The following CSMD1 variants were observed in gnomAD, a reference collection of about 807,000 sequenced individuals.
CSMD1 encodes the protein CUB and sushi domain-containing protein 1.
A neutral mutation model predicts 417.5 loss-of-function variants in CSMD1; 213 were observed. The observed-to-expected ratio is 0.51, with a 90% CI of 0.46 to 0.57. The LOEUF (loss-of-function observed/expected upper bound fraction) is 0.57. CSMD1 is among the 20% of genes least tolerant of loss of function. CSMD1 has a pLI of 0.00. For synonymous variants in CSMD1, 2,862 were observed against 1,736.8 expected, an observed-to-expected ratio of 1.65 and a Z score of -16.11; for missense variants, 6,923 against 4,529.7, an observed-to-expected ratio of 1.53 and a Z score of -15.17.
chr8:3,178,898 G>A (rs1037628652), intron 37 of CSMD1, among the ~76,000 whole-genome samples: 17 of 151,710 alleles, frequency 1.1e-4, no homozygotes, highest in Non-Finnish European at 2.1e-4. Flanking sequence ...ACCATTTGAC[G>A]CTAATTGTAG....
intron 5 of CSMD1, among the ~76,000 whole-genome samples, chr8:3,833,392 A>G (rs114372748): frequency 0.053 from 8,136 of 152,148 alleles, 674 homozygotes; most frequent in African/African-American, 0.17. Flanking sequence ...AATTTACTGC[A>G]TTCAACTCCT....
intron 17 of CSMD1, among the ~76,000 whole-genome samples, chr8:3,395,403 A>C (rs2116850449): frequency 6.6e-6 from 1 of 152,310 alleles, no homozygotes; most frequent in Admixed American, 6.5e-5. Flanking sequence ...TAATTGGCTA[A>C]TGTTAAAAAT....
intron 3 of CSMD1, among the ~76,000 whole-genome samples, chr8:4,344,073 T>C (rs1051750476): frequency 6.6e-6 from 1 of 152,180 alleles, no homozygotes; most frequent in Non-Finnish European, 1.5e-5. Flanking sequence ...ACACACATAC[T>C]CTGGCTTAAC....
At chr8:4,619,768 C>T (rs191106925) in intron 2 of CSMD1, among the ~76,000 whole-genome samples, 3 of 152,054 alleles carry the variant, frequency 2.0e-5, no homozygotes, top group Non-Finnish European at 4.4e-5. Context: ...GAAAACCAGG[C>T]ATGTCCTCAC....
In CSMD1 at chr8:3,102,021, C is replaced by T. The variant is rs577541212; in HGVS notation, c.6949+4507G>A. Among the ~76,000 whole-genome samples the T allele has an allele frequency of 1.4e-3, 206 of 152,090 alleles. 2 individuals are homozygous for T. The highest frequency in any genetic ancestry group is 4.6e-3 in the African/African-American group (192 of 41,476). On this transcript the variant is annotated intron_variant, in intron 46 of 69. Coordinates refer to ENST00000635120, the MANE Select transcript of CSMD1 (RefSeq NM_033225.6). ...TTCACCATGTTGGCCAGGCTGGTGT[C>T]GAACTCCTGACCTCAGGTGATCCTC...
At chr8:4,457,056 A>C (rs1799533843) in intron 2 of CSMD1, among the ~76,000 whole-genome samples, 1 of 151,916 alleles carries the variant, frequency 6.6e-6, no homozygotes, top group Admixed American at 6.6e-5. Context: ...TCAGAGAATT[A>C]AGCCCCATAC....
intron 3 of CSMD1, among the ~76,000 whole-genome samples, chr8:4,376,208 T>A (rs1474307363): frequency 6.6e-6 from 1 of 152,238 alleles, no homozygotes; most frequent in Non-Finnish European, 1.5e-5. Context: ...CTGGCTCTGT[T>A]TGTCAATAAT....
chr8:3,344,596 T>C (rs1057293845), intron 22 of CSMD1, among the ~76,000 whole-genome samples: 2 of 152,206 alleles, frequency 1.3e-5, no homozygotes, highest in Admixed American at 6.5e-5. Context: ...TTACACGATA[T>C]TGGAAAATGT....
At chr8:4,770,788 A>G (rs1796561999) in intron 1 of CSMD1, among the ~76,000 whole-genome samples, 1 of 152,186 alleles carries the variant, frequency 6.6e-6, no homozygotes, top group Non-Finnish European at 1.5e-5. Context: ...GACCCTTTAT[A>G]CCATACATAA....
At chr8:4,401,767 G>A (rs1804660618) in intron 3 of CSMD1, among the ~76,000 whole-genome samples, 1 of 151,936 alleles carries the variant, frequency 6.6e-6, no homozygotes, top group Non-Finnish European at 1.5e-5. Flanking sequence ...CTTGAACATA[G>A]TCCCCGCAGC....
intron 3 of CSMD1, among the ~76,000 whole-genome samples, chr8:4,353,979 C>G (rs1369181662): frequency 1.3e-5 from 2 of 152,166 alleles, no homozygotes; most frequent in South Asian, 2.1e-4. Context: ...TATTGTTTCA[C>G]TTTTTCCTAA....
intron 2 of CSMD1, among the ~76,000 whole-genome samples, chr8:4,488,194 T>G (rs1801511993): frequency 6.6e-6 from 1 of 152,232 alleles, no homozygotes; most frequent in Non-Finnish European, 1.5e-5. Flanking sequence ...AATAAGTTTA[T>G]GTTGTTTATA....
chr8:3,664,560 G>C (rs1319230709), intron 7 of CSMD1, among the ~76,000 whole-genome samples: 1 of 152,182 alleles, frequency 6.6e-6, no homozygotes, highest in South Asian at 2.1e-4. Context: ...TTCCTCATGA[G>C]AGAAAAGCAA....
intron 4 of CSMD1, among the ~76,000 whole-genome samples, chr8:4,003,113 G>T (rs542101735): frequency 6.6e-6 from 1 of 152,120 alleles, no homozygotes; most frequent in African/African-American, 2.4e-5. Flanking sequence ...CAAGATACAG[G>T]CTTGGCGCGG....
intron 2 of CSMD1, among the ~76,000 whole-genome samples, chr8:4,509,061 G>T (rs79920394): frequency 7.7e-4 from 117 of 152,122 alleles, no homozygotes; most frequent in African/African-American, 2.6e-3. Flanking sequence ...GTGCAAAGAT[G>T]ATAGAAGAGG....
At chr8:4,505,496 T>A (rs1178944349) in intron 2 of CSMD1, among the ~76,000 whole-genome samples, 1 of 152,214 alleles carries the variant, frequency 6.6e-6, no homozygotes, top group Non-Finnish European at 1.5e-5. Flanking sequence ...TATAAACTGC[T>A]TAATCATTTA....
intron 2 of CSMD1, among the ~76,000 whole-genome samples, chr8:4,555,634 T>A (rs1386828377): frequency 6.6e-6 from 1 of 152,156 alleles, no homozygotes; most frequent in Admixed American, 6.5e-5. Flanking sequence ...TAATTCTTCA[T>A]GATAAAAATG....
chr8:3,785,006 T>C (rs1799374693), intron 5 of CSMD1, among the ~76,000 whole-genome samples: 1 of 152,186 alleles, frequency 6.6e-6, no homozygotes, highest in Non-Finnish European at 1.5e-5. Context: ...ATTCTCTAGC[T>C]AAACAGTTAT....
chr8:3,837,296 C>T (rs1308946153), intron 5 of CSMD1, among the ~76,000 whole-genome samples: 1 of 152,106 alleles, frequency 6.6e-6, no homozygotes, highest in African/African-American at 2.4e-5. Flanking sequence ...TCTTCAACAA[C>T]AGAAGAAAAT....
Sources: allele counts gnomAD v4.1 joint callset (sites outside exome capture counted in the v4.1 genomes callset), GRCh38; gene constraint gnomAD v4.1.1; transcripts MANE v1.5; gene names NCBI Gene and HGNC (gene_info 2026-07-23, HGNC 2026-07-21).